Variants in LRP2 observed in about 807,000 individuals in gnomAD.
The protein encoded by LRP2 is low-density lipoprotein receptor-related protein 2.
LRP2 carries 172 observed loss-of-function variants against 531.0 expected under a neutral mutation model. The observed-to-expected ratio is 0.32, with a 90% CI of 0.29 to 0.37. LRP2 has a LOEUF of 0.37. Ranked by LOEUF, LRP2 falls within the 10% of genes least tolerant of loss-of-function variation. LRP2 has a pLI of 1.00. For missense variants in LRP2, 5,167 were observed against 5,868.3 expected (o/e 0.88, Z 3.90); for synonymous variants, 1,992 against 2,027.6 (o/e 0.98, Z 0.47).
intron 42 of LRP2, 113 bp from the exon 43 acceptor site, chr2:169,203,072 GCCATGGAAGTT>G: frequency 1.2e-6 from 1 of 844,140 alleles, no homozygotes. Flanking sequence ...CCTAAGAAGC[GCCATGGAAGTT>G]CTGCCCATTA....
chr2:169,311,098 G>A (rs565101300), intron 3 of LRP2, among the ~76,000 whole-genome samples: 152 of 151,588 alleles, frequency 1.0e-3, no homozygotes, highest in Non-Finnish European at 1.6e-3. Context: ...CTCTTTTTTC[G>A]TTATTAGTCT....
At chr2:169,314,154 T>C (rs1376695326) in intron 3 of LRP2, among the ~76,000 whole-genome samples, 1 of 151,934 alleles carries the variant, frequency 6.6e-6, no homozygotes, top group Non-Finnish European at 1.5e-5. Context: ...ATCCCAGCTA[T>C]GGGAGATTGA....
chr2:169,168,358 C>T (rs1686866273), intron 61 of LRP2, among the ~76,000 whole-genome samples, 181 bp downstream of exon 61: 1 of 152,126 alleles, frequency 6.6e-6, no homozygotes, highest in Non-Finnish European at 1.5e-5. Context: ...GTTTTCCCAA[C>T]TTTCTCAGGT....
At position 169,199,028 on chromosome 2, in the gene LRP2, C is replaced by T. The variant is rs534044204; in HGVS notation, c.8453-117G>A. The T allele has an allele frequency of 7.8e-6, 8 of 1,020,676 alleles. 1 individual carries two copies. The South Asian group carries it at 8.2e-5, about 10-fold the overall frequency. The allele number at this position is 1,020,676 out of a possible 1,614,324, so 63.2% of individuals were successfully genotyped here. Reference sequence around the variant, plus strand: ...CAAACCACTGGAAGGGCGGCATTTTCAAAGCCATCAGAAAGGCAGGATCCA... The same window carrying T: ...CAAACCACTGGAAGGGCGGCATTTTTAAAGCCATCAGAAAGGCAGGATCCA... On this transcript the variant is annotated intron_variant, in intron 44 of 78. Transcript: ENST00000649046.
In LRP2 at chr2:169,188,233, C is replaced by T; in HGVS notation, c.9065G>A (p.Ser3022Asn). The T allele has an allele frequency of 6.2e-7, 1 of 1,614,148 alleles. No homozygotes were observed. Residue 3022 changes from serine to asparagine, a missense_variant, in exon 49 of 79, where the codon AGC (serine) becomes AAC (asparagine). Coordinates refer to ENST00000649046, the MANE Select transcript of LRP2 (RefSeq NM_004525.3). ...CTGGTATAAGCAGCCCCTCTCGTCG[C>T]TATAGTCACCACAGTCATTGTGCCG... ...CDRHNDCGDY[S>N]DERGCLYQTC...
rs933614724 is a variant in LRP2 at position 169,172,275 on chromosome 2, C to G, written c.11144-141G>C. The G allele has an allele frequency of 4.3e-6, 4 of 924,220 alleles. No homozygotes were observed. The African/African-American group carries it at 6.5e-5, about 15-fold the overall frequency. 57.3% of individuals were successfully genotyped at this position (924,220 alleles called of 1,614,324 possible). ...CAAAGAGAGGAATGCCAGCAACATTCATGGTCAACATTCCCTCTTTTAGCT... is the reference window on the plus strand; with the variant it reads ...CAAAGAGAGGAATGCCAGCAACATTGATGGTCAACATTCCCTCTTTTAGCT... On this transcript the variant is annotated intron_variant, in intron 57 of 78. Transcript: ENST00000649046.
intron 17 of LRP2, among the ~76,000 whole-genome samples, chr2:169,258,789 G>A (rs1690415988): frequency 6.6e-6 from 1 of 151,996 alleles, no homozygotes; most frequent in Admixed American, 6.6e-5. Context: ...CTACTCTTCA[G>A]TGAAGACTGA....
At chr2:169,351,155 C>T (rs1685836044) in intron 1 of LRP2, among the ~76,000 whole-genome samples, 1 of 152,096 alleles carries the variant, frequency 6.6e-6, no homozygotes, top group Non-Finnish European at 1.5e-5. Flanking sequence ...ATGCTGCTAA[C>T]CAGTTAAATA....
chr2:169,276,507 T>C (rs1683558070), intron 13 of LRP2, among the ~76,000 whole-genome samples: 1 of 152,192 alleles, frequency 6.6e-6, no homozygotes, highest in African/African-American at 2.4e-5. Context: ...AGCTAATTTT[T>C]TCATAAAATT....
intron 76 of LRP2, among the ~76,000 whole-genome samples, chr2:169,132,907 G>A (rs909490126): frequency 1.3e-5 from 2 of 152,008 alleles, no homozygotes; most frequent in African/African-American, 4.8e-5. Context: ...CCTTAATCCT[G>A]GGAGGCAAAT....
chr2:169,362,189 G>A, intron 1 of LRP2, 132 bp downstream of exon 1: 1 of 709,876 alleles, frequency 1.4e-6, no homozygotes, highest in East Asian at 3.2e-5. Context: ...GCGCCCCACC[G>A]GGAGCAGCTC....
intron 77 of LRP2, among the ~76,000 whole-genome samples, chr2:169,129,967 C>T (rs1307203727): frequency 6.6e-6 from 1 of 152,192 alleles, no homozygotes; most frequent in Non-Finnish European, 1.5e-5. Context: ...AGCAGGGGAC[C>T]AGCCTGTGGA....
intron 59 of LRP2, among the ~76,000 whole-genome samples, chr2:169,170,191 AAG>A (rs1686942588): frequency 6.6e-6 from 1 of 152,208 alleles, no homozygotes; most frequent in South Asian, 2.1e-4. Context: ...ATCTCTACAC[AAG>A]AGAGTCATAG....
intron 76 of LRP2, among the ~76,000 whole-genome samples, chr2:169,135,960 C>T (rs534174258): frequency 3.3e-5 from 5 of 152,248 alleles, no homozygotes; most frequent in South Asian, 2.1e-4. Flanking sequence ...ATCCCCAAAC[C>T]GCCACTCTTA....
chr2:169,271,611 GCACACACA>G (rs55672417), intron 15 of LRP2: 4,865 of 234,044 alleles, frequency 0.021, 219 homozygotes, highest in African/African-American at 0.1. Flanking sequence ...GGCAAAACAT[GCACACACA>G]CACACACACA....
chr2:169,320,666 G>A (rs1477197908), intron 2 of LRP2, 111 bp downstream of exon 2: 6 of 868,706 alleles, frequency 6.9e-6, no homozygotes, highest in Non-Finnish European at 1.2e-5. Flanking sequence ...CTTGGGCCCA[G>A]ACCTGGCTCT....
At chr2:169,237,323 G>A (rs776981072) in intron 27 of LRP2, 36 bp from the exon 28 acceptor site, 1 of 1,413,288 alleles carries the variant, frequency 7.1e-7, no homozygotes, top group South Asian at 1.2e-5. Context: ...GAATTCTAGA[G>A]CAAATAAATG....
At position 169,270,993 on chromosome 2, in the gene LRP2, A is replaced by G; in HGVS notation, c.2231T>C (p.Val744Ala). ...GTCCTGGGCGTCAAAATCAATCCCG[A>G]CAAAGAAAGAAGGATTCCCCGAAAC... ...VPVSGNPSFF[V>A]GIDFDAQDST... Residue 744 changes from valine (V) to alanine (A), a missense_variant, in exon 16 of 79, where the codon GTC becomes GCC. Physicochemically the swap from Val to Ala is moderately conservative, Grantham distance 64. Transcript: ENST00000649046. 6.2e-7 allele frequency: 1 copy of G among 1,613,428 alleles called. No individual in the cohort carries two copies. The highest frequency in any genetic ancestry group is 8.5e-7 in the Non-Finnish European group (1 of 1,179,650).
At chr2:169,308,829 A>C (rs1342603132) in intron 3 of LRP2, among the ~76,000 whole-genome samples, 2 of 152,228 alleles carry the variant, frequency 1.3e-5, no homozygotes, top group Non-Finnish European at 2.9e-5. Context: ...ACTAGTTTAC[A>C]GTCCCACCAA....
Sources: gnomAD v4.1 joint callset for allele counts (sites outside exome capture counted in the v4.1 genomes callset) on GRCh38, gnomAD v4.1.1 for gene constraint, MANE v1.5 for transcripts, NCBI Gene and HGNC (gene_info 2026-07-23, HGNC 2026-07-21) for gene names.